Variants in KRTAP9-3 observed in about 807,000 individuals in gnomAD.
KRTAP9-3 encodes the protein keratin-associated protein 9-3.
A neutral mutation model predicts 13.0 loss-of-function variants in KRTAP9-3; 12 were observed. The observed-to-expected ratio is 0.93, with a 90% CI of 0.59 to 1.50. The LOEUF is 1.50. Ranked by LOEUF, KRTAP9-3 falls within the 40% of genes most tolerant of loss-of-function variation. The probability of loss-of-function intolerance (pLI) is 0.00; values close to 1 mark genes in which losing one functional copy is unlikely to be tolerated. For missense variants in KRTAP9-3, 232 were observed against 195.2 expected, an observed-to-expected ratio of 1.19 and a Z score of -1.12; for synonymous variants, 89 against 68.7, an observed-to-expected ratio of 1.29 and a Z score of -1.46.
chr17:41,233,216 AT>A lies in KRTAP9-3; in HGVS notation c.*238del, dbSNP rs537318214. ...CATGTGCCAGCTTCGTCTGTTCTTA[AT>A]TTGGAGTCATGATCTCAGCTTTGTC... is the stretch of plus-strand genomic sequence containing the variant. On this transcript the variant is annotated 3_prime_UTR_variant, in exon 1 of 1. Coordinates refer to ENST00000411528, the MANE Select transcript of KRTAP9-3 (RefSeq NM_031962.3). 2.1e-5 allele frequency: 16 copies of A among 744,588 alleles called. 1 individual carries two copies. The African/African-American group carries it at 2.9e-4, about 14-fold the overall frequency. 46.1% of individuals were successfully genotyped at this position (744,588 alleles called of 1,614,324 possible).
rs991931885 is a variant in KRTAP9-3, at chr17:41,233,357, CTTCT to C, written c.*382_*385del. The C allele has an allele frequency of 3.2e-6, 1 of 317,022 alleles. No individual in the cohort carries two copies. Among genetic ancestry groups the C allele is most frequent in the Non-Finnish European group, 6.0e-6 (1 of 166,698 alleles). 19.6% of individuals were successfully genotyped at this position (317,022 alleles called of 1,614,324 possible). A position where few individuals can be genotyped will look rare whatever the true frequency, so the allele number is the denominator to read the frequency against. On this transcript the variant is annotated 3_prime_UTR_variant, in exon 1 of 1. Transcript: ENST00000411528. ...ATATCCTTCTCATGGTTCTTGTATC[CTTCT>C]TTCTTCTTTTCACGATAACTTTGGG...
chr17:41,232,919 T>C lies in KRTAP9-3; in HGVS notation c.418T>C (p.Cys140Arg), dbSNP rs1488564257. 3.1e-6 allele frequency: 5 copies of C among 1,608,746 alleles called. No individual in the cohort carries two copies. The highest frequency in any genetic ancestry group is 3.3e-5 in the Admixed American group (2 of 59,944). ...CCCAGCCTGCTGTGAGACCACCTGC[T>C]GCAGGACCACTTGTTTCCAGCCCAC... ...CRPACCETTC[C>R]RTTCFQPTCV... Residue 140 changes from cysteine to arginine, a missense_variant, in exon 1 of 1, where the codon TGC becomes CGC. Transcript: ENST00000411528.
the KRTAP9-3 span, chr17:41,232,837 T>A: frequency 6.2e-7 from 1 of 1,607,744 alleles, no homozygotes; most frequent in Non-Finnish European, 8.5e-7. Flanking sequence ...CAAGTGTTTG[T>A]CTGCCTGGTT....
rs775685025 is a variant in KRTAP9-3 at position 41,232,450 on chromosome 17, G to C, written c.-52G>C. On this transcript the variant is annotated 5_prime_UTR_variant, in exon 1 of 1. Coordinates refer to ENST00000411528, the MANE Select transcript of KRTAP9-3 (RefSeq NM_031962.3). ...AGGTCCAGATTGCAAGGGGTCATCAGATTTTGGGAAACTCACCTCTTAACA... is the reference window on the plus strand; with the variant it reads ...AGGTCCAGATTGCAAGGGGTCATCACATTTTGGGAAACTCACCTCTTAACA... The C allele has an allele frequency of 4.4e-6, 7 of 1,587,562 alleles. No individual in the cohort carries two copies. Among genetic ancestry groups the C allele is most frequent in the Non-Finnish European group, 6.0e-6 (7 of 1,169,080 alleles).
Position 41,233,008 on chromosome 17 carries a change from C to T in KRTAP9-3, c.*27C>T. 1 of 1,606,534 alleles carries T rather than the reference C, an allele frequency of 6.2e-7. No homozygotes were observed. The highest frequency in any genetic ancestry group is 2.2e-5 in the East Asian group (1 of 44,870). On this transcript the variant is annotated 3_prime_UTR_variant, in exon 1 of 1. Coordinates refer to ENST00000411528, the MANE Select transcript of KRTAP9-3 (RefSeq NM_031962.3). ...CAACTCCCAAGAGAACTACCATCCT[C>T]ACACAACAACCTTCAGCTCAACTGA...
chr17:41,232,883 C>T lies in KRTAP9-3; in HGVS notation c.382C>T (p.Pro128Ser), dbSNP rs1397909947. ...NQSCGSNCCQ[P>S]CCRPACCETT... ...GAGCTGTGGCTCCAACTGCTGCCAG[C>T]CCTGCTGCCGCCCAGCCTGCTGTGA... The change falls in exon 1 of 1, where the codon CCC (proline) becomes TCC (serine). Residue 128 changes from proline to serine, a missense_variant. By Grantham distance (74) the Pro-to-Ser change is moderately conservative. Coordinates refer to ENST00000411528, the MANE Select transcript of KRTAP9-3 (RefSeq NM_031962.3). 5 of 1,608,280 alleles carry T rather than the reference C, an allele frequency of 3.1e-6. No homozygotes were observed. The highest frequency in any genetic ancestry group is 4.2e-6 in the Non-Finnish European group (5 of 1,179,948).
chr17:41,233,019 C>G lies in KRTAP9-3; in HGVS notation c.*38C>G. 1 of 1,603,584 alleles carries G rather than the reference C, an allele frequency of 6.2e-7. No homozygotes were observed. The highest frequency in any genetic ancestry group is 1.7e-5 in the Admixed American group (1 of 59,724). On this transcript the variant is annotated 3_prime_UTR_variant, in exon 1 of 1. Transcript: ENST00000411528. Reference sequence around the variant, plus strand: ...AGAACTACCATCCTCACACAACAACCTTCAGCTCAACTGACTTGTCTTTTG... The same window carrying G: ...AGAACTACCATCCTCACACAACAACGTTCAGCTCAACTGACTTGTCTTTTG...
Position 41,232,893 on chromosome 17 carries a change from G to T in KRTAP9-3, c.392G>T (p.Arg131Leu), listed in dbSNP as rs777768995. 3 of 1,607,550 alleles carry T rather than the reference G, an allele frequency of 1.9e-6. No homozygotes were observed. The highest frequency in any genetic ancestry group is 1.4e-5 in the African/African-American group (1 of 68,990). ...CGSNCCQPCC[R>L]PACCETTCCR... is the part of the protein sequence containing the mutation. ...TCCAACTGCTGCCAGCCCTGCTGCC[G>T]CCCAGCCTGCTGTGAGACCACCTGC... Residue 131 changes from arginine (R) to leucine (L), a missense_variant, in exon 1 of 1, where the codon CGC becomes CTC. Arg to Leu is a moderately radical substitution (Grantham distance 102). Coordinates refer to ENST00000411528, the MANE Select transcript of KRTAP9-3 (RefSeq NM_031962.3).
At position 41,233,236 on chromosome 17, in the gene KRTAP9-3, C is replaced by A; in HGVS notation, c.*255C>A. ...TCTTAATTTGGAGTCATGATCTCAG[C>A]TTTGTCTCAAAAATCAAGAGCTTCA... is the stretch of plus-strand genomic sequence containing the variant. On this transcript the variant is annotated 3_prime_UTR_variant, in exon 1 of 1. Coordinates refer to ENST00000411528, the MANE Select transcript of KRTAP9-3 (RefSeq NM_031962.3). 4.5e-6 allele frequency: 3 copies of A among 660,818 alleles called. No homozygotes were observed. The highest frequency in any genetic ancestry group is 7.5e-6 in the Non-Finnish European group (3 of 401,398). The allele number at this position is 660,818 out of a possible 1,614,324, so 40.9% of individuals were successfully genotyped here.
chr17:41,232,885 C>G lies in KRTAP9-3; in HGVS notation c.384C>G (p.Pro128=), dbSNP rs755847190. ...GCTGTGGCTCCAACTGCTGCCAGCCCTGCTGCCGCCCAGCCTGCTGTGAGA... is the reference window on the plus strand; with the variant it reads ...GCTGTGGCTCCAACTGCTGCCAGCCGTGCTGCCGCCCAGCCTGCTGTGAGA... The part of the protein sequence containing the change: ...NQSCGSNCCQ[P]CCRPACCETT... The change falls in exon 1 of 1, where the codon CCC becomes CCG. Residue 128 remains proline, a synonymous_variant. Coordinates refer to ENST00000411528, the MANE Select transcript of KRTAP9-3 (RefSeq NM_031962.3). 79 of 1,608,118 alleles carry G rather than the reference C, an allele frequency of 4.9e-5. 3 individuals are homozygous for G. The highest frequency in any genetic ancestry group is 2.7e-4 in the East Asian group (12 of 44,892).
In KRTAP9-3 at chr17:41,233,251, C is replaced by G; in HGVS notation, c.*270C>G. The G allele has an allele frequency of 3.4e-6, 2 of 591,850 alleles. 1 individual carries two copies. The allele number at this position is 591,850 out of a possible 1,614,324, so 36.7% of individuals were successfully genotyped here. A position where few individuals can be genotyped will look rare whatever the true frequency, so the allele number is the denominator to read the frequency against. ...ATGATCTCAGCTTTGTCTCAAAAAT[C>G]AAGAGCTTCATTCTTTGCTTCTAAG... On this transcript the variant is annotated 3_prime_UTR_variant, in exon 1 of 1. Transcript: ENST00000411528.
Position 41,232,773 on chromosome 17 carries a change from G to C in KRTAP9-3, c.272G>C (p.Gly91Ala). The C allele has an allele frequency of 6.2e-7, 1 of 1,607,768 alleles. No homozygotes were observed. ...CCCACATGCTGTGGGTCCAGCTGTG[G>C]TCAGAGCAGCTCCTGTGCACCTGTG... Reference protein sequence around the residue: ...CQPTCCGSSCGQSSSCAPVYC... With the variant: ...CQPTCCGSSCAQSSSCAPVYC... Residue 91 changes from glycine (G) to alanine (A), a missense_variant, in exon 1 of 1, where the codon GGT becomes GCT. Coordinates refer to ENST00000411528, the MANE Select transcript of KRTAP9-3 (RefSeq NM_031962.3).
Position 41,232,953 on chromosome 17 carries a change from A to G in KRTAP9-3, c.452A>G (p.Tyr151Cys). The change falls in exon 1 of 1, where the codon TAC (tyrosine) becomes TGC (cysteine). Residue 151 changes from tyrosine (Y) to cysteine (C), a missense_variant. By Grantham distance (194) the Tyr-to-Cys change is radical. Coordinates refer to ENST00000411528, the MANE Select transcript of KRTAP9-3 (RefSeq NM_031962.3). ...ACTTGTTTCCAGCCCACCTGTGTGT[A>G]CAGCTGCTGCCAGCCTTCTTGCTGC... The part of the protein sequence containing the change: ...RTTCFQPTCV[Y>C]SCCQPSCC 1.2e-6 allele frequency: 2 copies of G among 1,604,118 alleles called. No homozygotes were observed. The highest frequency in any genetic ancestry group is 1.7e-6 in the Non-Finnish European group (2 of 1,176,878).
At position 41,232,539 on chromosome 17, in the gene KRTAP9-3, G is replaced by C; in HGVS notation, c.38G>C (p.Cys13Ser). Residue 13 changes from cysteine (C) to serine (S), a missense_variant, in exon 1 of 1, where the codon TGC becomes TCC. Cys to Ser is a moderately radical substitution (Grantham distance 112). Coordinates refer to ENST00000411528, the MANE Select transcript of KRTAP9-3 (RefSeq NM_031962.3). ...HCCSPCCQPTCCRTTCWQPTT... is the reference protein window; with the variant it reads ...HCCSPCCQPTSCRTTCWQPTT... Reference sequence around the variant, plus strand: ...TGCTCCCCTTGCTGTCAGCCTACCTGCTGCAGGACCACCTGCTGGCAGCCC... The same window carrying C: ...TGCTCCCCTTGCTGTCAGCCTACCTCCTGCAGGACCACCTGCTGGCAGCCC... The C allele has an allele frequency of 6.2e-7, 1 of 1,605,996 alleles. No homozygotes were observed. Among genetic ancestry groups the C allele is most frequent in the Non-Finnish European group, 8.5e-7 (1 of 1,179,358 alleles).
chr17:41,232,729 T>A, the KRTAP9-3 span: 1 of 1,602,880 alleles, frequency 6.2e-7, no homozygotes, highest in Non-Finnish European at 8.5e-7. Context: ...CTTCCTGCTG[T>A]AGCACACCCT....
chr17:41,233,343 A>C lies in KRTAP9-3; in HGVS notation c.*362A>C. 1 of 350,486 alleles carries C rather than the reference A, an allele frequency of 2.9e-6. No individual in the cohort carries two copies. The allele number at this position is 350,486 out of a possible 1,614,324, so 21.7% of individuals were successfully genotyped here. On this transcript the variant is annotated 3_prime_UTR_variant, in exon 1 of 1. Transcript: ENST00000411528. ...TATTTTCATTTTAAATATCCTTCTC[A>C]TGGTTCTTGTATCCTTCTTTCTTCT... is the stretch of plus-strand genomic sequence containing the variant.
At position 41,232,677 on chromosome 17, in the gene KRTAP9-3, C is replaced by T; in HGVS notation, c.176C>T (p.Thr59Ile). The change falls in exon 1 of 1, where the codon ACC becomes ATC. Residue 59 changes from threonine (T) to isoleucine (I), a missense_variant. Thr to Ile is a moderately conservative substitution (Grantham distance 89). Transcript: ENST00000411528. ...TGCTGTCAAAACACCTGCTGTAGGA[C>T]CACCTGCTGCCAGCCCATCTGTGTG... The part of the protein sequence containing the change: ...PTCCQNTCCR[T>I]TCCQPICVTS... 6.2e-7 allele frequency: 1 copy of T among 1,608,510 alleles called. No homozygotes were observed. Among genetic ancestry groups the T allele is most frequent in the Admixed American group, 1.7e-5 (1 of 59,954 alleles).
At position 41,233,153 on chromosome 17, in the gene KRTAP9-3, C is replaced by T. The variant is rs60663804; in HGVS notation, c.*172C>T. On this transcript the variant is annotated 3_prime_UTR_variant, in exon 1 of 1. Transcript: ENST00000411528. ...AATCTGCTTGAGGGAGGGCAGAATA[C>T]TTCATCCTCATTCCCTCTTTCCTTA... The T allele has an allele frequency of 4.6e-3, 5,052 of 1,104,532 alleles. 707 individuals are homozygous for T. The African/African-American group carries it at 0.081, about 18-fold the overall frequency. The allele number at this position is 1,104,532 out of a possible 1,614,324, so 68.4% of individuals were successfully genotyped here.
At position 41,232,891 on chromosome 17, in the gene KRTAP9-3, C is replaced by T; in HGVS notation, c.390C>T (p.Cys130=). The change falls in exon 1 of 1, where the codon TGC becomes TGT. Residue 130 remains cysteine (C), a synonymous_variant. Coordinates refer to ENST00000411528, the MANE Select transcript of KRTAP9-3 (RefSeq NM_031962.3). ...GCTCCAACTGCTGCCAGCCCTGCTG[C>T]CGCCCAGCCTGCTGTGAGACCACCT... ...SCGSNCCQPC[C]RPACCETTCC... is the part of the protein sequence containing the mutation. 1 of 1,607,960 alleles carries T rather than the reference C, an allele frequency of 6.2e-7. No individual in the cohort carries two copies. The highest frequency in any genetic ancestry group is 8.5e-7 in the Non-Finnish European group (1 of 1,179,882).
Sources: allele counts gnomAD v4.1 joint callset, GRCh38; gene constraint gnomAD v4.1.1; transcripts MANE v1.5; gene names NCBI Gene and HGNC (gene_info 2026-07-23, HGNC 2026-07-21).